DENND5B: variants seen among roughly 807,000 people sequenced by gnomAD.
DENND5B encodes DENN domain containing 5B.
Under a neutral mutation model 140.6 loss-of-function variants are expected in DENND5B, and 34 were observed. The observed-to-expected ratio is 0.24, with a 90% CI of 0.18 to 0.32. The LOEUF (loss-of-function observed/expected upper bound fraction) is 0.32, where lower values mean the gene tolerates loss of function less well. Among genes scored for constraint, DENND5B ranks in the 10% least tolerant of loss-of-function variants. The pLI is 1.00. For synonymous variants in DENND5B, 551 were observed against 562.1 expected (o/e 0.98, Z 0.28); for missense variants, 1,142 against 1,560.2 (o/e 0.73, Z 4.52).
At chr12:31,402,466 A>G in intron 15 of DENND5B, 32 bp downstream of exon 15, 1 of 1,591,662 alleles carries the variant, frequency 6.3e-7, no homozygotes, top group Non-Finnish European at 8.6e-7. Context: ...CACGTGATAC[A>G]TTCTTCTAGG....
At chr12:31,584,626 G>C (rs947792044) in intron 1 of DENND5B, among the ~76,000 whole-genome samples, 1 of 151,866 alleles carries the variant, frequency 6.6e-6, no homozygotes, top group Non-Finnish European at 1.5e-5. Flanking sequence ...ATCAGCTTAG[G>C]CAACATCTTT....
At chr12:31,577,542 C>T (rs2139444933) in intron 1 of DENND5B, among the ~76,000 whole-genome samples, 1 of 151,726 alleles carries the variant, frequency 6.6e-6, no homozygotes, top group East Asian at 1.9e-4. Flanking sequence ...AACCCCGTCT[C>T]TACTAAAAAA....
chr12:31,422,942 C>T (rs1256921090), intron 11 of DENND5B, among the ~76,000 whole-genome samples: 3 of 139,880 alleles, frequency 2.1e-5, no homozygotes, highest in South Asian at 2.3e-4. Context: ...GTTATAAAAA[C>T]TTTTTTTTTT....
chr12:31,414,574 C>A (rs1220208874), intron 12 of DENND5B, among the ~76,000 whole-genome samples: 1 of 152,044 alleles, frequency 6.6e-6, no homozygotes, highest in Non-Finnish European at 1.5e-5. Context: ...AATCCCAGCC[C>A]TTTGGGAGGC....
chr12:31,580,947 T>A (rs925764060), intron 1 of DENND5B, among the ~76,000 whole-genome samples: 6 of 151,612 alleles, frequency 4.0e-5, no homozygotes, highest in East Asian at 1.9e-4. Context: ...ACAAAAAAAA[T>A]TTTTTTAATC....
At chr12:31,503,656 C>T (rs185893691) in intron 1 of DENND5B, among the ~76,000 whole-genome samples, 82 of 152,288 alleles carry the variant, frequency 5.4e-4, no homozygotes, top group African/African-American at 1.9e-3. Flanking sequence ...CTATCTTAAG[C>T]CTGTATTTTC....
At chr12:31,570,465 G>T (rs192096089) in intron 1 of DENND5B, among the ~76,000 whole-genome samples, 4 of 151,188 alleles carry the variant, frequency 2.6e-5, no homozygotes, top group African/African-American at 9.7e-5. Context: ...TTTTAGTAGA[G>T]ACAGGGTTTT....
intron 3 of DENND5B, among the ~76,000 whole-genome samples, chr12:31,460,783 T>C (rs939559361): frequency 6.6e-6 from 1 of 152,220 alleles, no homozygotes; most frequent in African/African-American, 2.4e-5. Flanking sequence ...TGGAGTGCAA[T>C]GGTGCGATCT....
Position 31,528,316 on chromosome 12 carries a change from C to G in DENND5B, c.128-32397G>C, listed in dbSNP as rs1948157782. 2.6e-5 allele frequency among the ~76,000 whole-genome samples: 4 copies of G among 152,368 alleles called. No individual in the cohort carries two copies. The South Asian group carries it at 6.2e-4, about 24-fold the overall frequency. On this transcript the variant is annotated intron_variant, in intron 1 of 20. Transcript: ENST00000389082. ...CCAAACTCTGCCTGTCTTCACATCA[C>G]TTCCTCCTGCGTGTGTCAAACTTCC...
At chr12:31,583,335 A>G (rs575901620) in intron 1 of DENND5B, among the ~76,000 whole-genome samples, 2 of 149,588 alleles carry the variant, frequency 1.3e-5, no homozygotes, top group East Asian at 2.0e-4. Context: ...AAGAATGCCT[A>G]TTTCCTAAGG....
chr12:31,566,165 T>C (rs1949620508), intron 1 of DENND5B, among the ~76,000 whole-genome samples: 1 of 151,782 alleles, frequency 6.6e-6, no homozygotes, highest in African/African-American at 2.4e-5. Flanking sequence ...TTAAAAAATA[T>C]AATTTGAAGC....
At chr12:31,527,332 T>C (rs1241063988) in intron 1 of DENND5B, among the ~76,000 whole-genome samples, 1 of 152,010 alleles carries the variant, frequency 6.6e-6, no homozygotes, top group Non-Finnish European at 1.5e-5. Flanking sequence ...TCAGATTGTC[T>C]GGAAAAGAGC....
chr12:31,429,665 T>C (rs962615685), intron 8 of DENND5B, among the ~76,000 whole-genome samples: 4 of 152,086 alleles, frequency 2.6e-5, no homozygotes, highest in Admixed American at 6.6e-5. Context: ...CAACTTGGCC[T>C]CCCAAAGTGC....
intron 15 of DENND5B, among the ~76,000 whole-genome samples, chr12:31,401,426 A>G (rs1019928083): frequency 6.6e-6 from 1 of 152,142 alleles, no homozygotes; most frequent in Non-Finnish European, 1.5e-5. Context: ...GCGGGAGGGC[A>G]TCATGACTCT....
chr12:31,548,111 G>T (rs537858410), intron 1 of DENND5B, among the ~76,000 whole-genome samples: 1 of 152,084 alleles, frequency 6.6e-6, no homozygotes, highest in African/African-American at 2.4e-5. Context: ...TTAGAATCCA[G>T]CCAGGCACAG....
intron 16 of DENND5B, among the ~76,000 whole-genome samples, chr12:31,398,864 G>A (rs1941629146): frequency 6.6e-6 from 1 of 152,036 alleles, no homozygotes. Context: ...GCTCATGCCT[G>A]TAATCCCAGC....
rs377549094 is a variant in DENND5B at position 31,398,597 on chromosome 12, C to T, written c.3069-235G>A. On this transcript the variant is annotated intron_variant, in intron 16 of 20. Coordinates refer to ENST00000389082, the MANE Select transcript of DENND5B (RefSeq NM_144973.4). ...GATTACAGGTGTGAGCCACTGCACC[C>T]GGTCAGAATATTTTCAAACTAGAAA... 1.7e-4 allele frequency among the ~76,000 whole-genome samples: 26 copies of T among 151,804 alleles called. No individual in the cohort carries two copies. In the East Asian group the frequency reaches 3.3e-3, roughly 19 times the overall value.
At chr12:31,392,151 A>AT in intron 19 of DENND5B, 116 bp downstream of exon 19, 3 of 1,105,860 alleles carry the variant, frequency 2.7e-6, no homozygotes, top group Non-Finnish European at 3.6e-6. Flanking sequence ...AAAAAAAAAA[A>AT]GAAAAAAAAT....
chr12:31,553,445 T>C (rs1451493040), intron 1 of DENND5B, among the ~76,000 whole-genome samples: 2 of 152,228 alleles, frequency 1.3e-5, no homozygotes, highest in African/African-American at 2.4e-5. Context: ...TTATAATTTC[T>C]GTTCTTTTAC....
Sources: allele counts gnomAD v4.1 joint callset (sites outside exome capture counted in the v4.1 genomes callset), GRCh38; gene constraint gnomAD v4.1.1; transcripts MANE v1.5; gene names NCBI Gene and HGNC (gene_info 2026-07-23, HGNC 2026-07-21).